The following LINGO2 variants were observed in gnomAD, a reference collection of about 807,000 sequenced individuals.
LINGO2 encodes leucine-rich repeat and immunoglobulin-like domain-containing nogo receptor-interacting protein 2.
In LINGO2, 14 loss-of-function variants were observed where a neutral mutation model predicts 30.6. The ratio of observed to expected loss-of-function variants is 0.46; its 90% confidence interval spans 0.30 to 0.72. LINGO2 has a LOEUF of 0.72. Among genes scored for constraint, LINGO2 ranks in the 30% least tolerant of loss-of-function variants. The probability of loss-of-function intolerance (pLI) is 0.07; values close to 1 mark genes in which losing one functional copy is unlikely to be tolerated. For synonymous variants in LINGO2, 317 were observed against 288.5 expected, an observed-to-expected ratio of 1.10 and a Z score of -1.00; for missense variants, 729 against 751.7, an observed-to-expected ratio of 0.97 and a Z score of 0.35.
chr9:28,520,195 G>A (rs1325399900), intron 1 of LINGO2, among the ~76,000 whole-genome samples: 1 of 152,058 alleles, frequency 6.6e-6, no homozygotes, highest in African/African-American at 2.4e-5. Context: ...ACAATCTTCA[G>A]TAGAATACTG....
At chr9:29,126,708 C>A in the LINGO2 span, among the ~76,000 whole-genome samples, 1 of 151,928 alleles carries the variant, frequency 6.6e-6, no homozygotes, top group Non-Finnish European at 1.5e-5. Flanking sequence ...TACAGAACTT[C>A]GCAATTATGT....
chr9:27,952,497 T>TA (rs1161142387), intron 5 of LINGO2, among the ~76,000 whole-genome samples: 3 of 151,624 alleles, frequency 2.0e-5, no homozygotes, highest in East Asian at 3.9e-4. Flanking sequence ...TCAGAAACAG[T>TA]AAAAAAATTA....
At chr9:28,390,395 T>C (rs1464757080) in intron 2 of LINGO2, among the ~76,000 whole-genome samples, 1 of 152,210 alleles carries the variant, frequency 6.6e-6, no homozygotes, top group South Asian at 2.1e-4. Context: ...ATGTATTATT[T>C]AATAATTATC....
intron 5 of LINGO2, among the ~76,000 whole-genome samples, chr9:27,955,329 A>G (rs541234204): frequency 5.9e-5 from 9 of 152,322 alleles, no homozygotes; most frequent in East Asian, 1.9e-4. Context: ...AATTAAGAAG[A>G]AAACTTAAAA....
the LINGO2 span, among the ~76,000 whole-genome samples, chr9:28,766,711 G>A: frequency 1.3e-5 from 2 of 151,340 alleles, no homozygotes; most frequent in African/African-American, 4.9e-5. Context: ...ATACACTGTG[G>A]TATACATAAA....
At chr9:28,122,765 T>C (rs957057233) in intron 4 of LINGO2, among the ~76,000 whole-genome samples, 3 of 152,220 alleles carry the variant, frequency 2.0e-5, no homozygotes, top group African/African-American at 7.2e-5. Context: ...GTTATGTTTT[T>C]CAATTCATTT....
chr9:28,520,819 T>TTG (rs777511956), intron 1 of LINGO2, among the ~76,000 whole-genome samples: 1 of 152,208 alleles, frequency 6.6e-6, no homozygotes, highest in African/African-American at 2.4e-5. Context: ...GGTACAATAA[T>TTG]TTTTCAACTT....
chr9:28,348,371 CAAAG>C (rs1819680529), intron 3 of LINGO2, among the ~76,000 whole-genome samples: 1 of 152,036 alleles, frequency 6.6e-6, no homozygotes, highest in Non-Finnish European at 1.5e-5. Context: ...CTTTCTGAGT[CAAAG>C]AAAGGGGTGA....
chr9:29,141,858 A>C, the LINGO2 span, among the ~76,000 whole-genome samples: 1 of 151,978 alleles, frequency 6.6e-6, no homozygotes, highest in East Asian at 1.9e-4. Context: ...CTATAAATAT[A>C]TAACAATAAT....
At chr9:28,712,713 A>G in the LINGO2 span, among the ~76,000 whole-genome samples, 1 of 151,876 alleles carries the variant, frequency 6.6e-6, no homozygotes, top group Non-Finnish European at 1.5e-5. Context: ...ATGATTAACT[A>G]CAATAAAAGA....
At chr9:28,010,150 C>T (rs530415771) in intron 5 of LINGO2, among the ~76,000 whole-genome samples, 3 of 152,268 alleles carry the variant, frequency 2.0e-5, no homozygotes, top group South Asian at 2.1e-4. Context: ...TACATGATTC[C>T]AGTTACATAA....
intron 3 of LINGO2, among the ~76,000 whole-genome samples, chr9:28,368,594 C>CTTTTTTTTTTTTTTTTTTTTTTTTTT (rs60310040): frequency 8.1e-6 from 1 of 123,602 alleles, no homozygotes; most frequent in Non-Finnish European, 1.8e-5. Flanking sequence ...CTTTTCTTTT[C>CTTTTTTTTTTTTTTTTTTTTTTTTTT]TTTTTTTTTT....
chr9:28,947,118 G>T, the LINGO2 span, among the ~76,000 whole-genome samples: 24,297 of 151,642 alleles, frequency 0.16, 1,977 homozygotes, highest in South Asian at 0.2. Flanking sequence ...TCTATATCTA[G>T]ATCTGTATCT....
chr9:28,934,169 A>AT, the LINGO2 span, among the ~76,000 whole-genome samples: 737 of 152,254 alleles, frequency 4.8e-3, 11 homozygotes, highest in African/African-American at 0.017. Flanking sequence ...AATTTGTTTT[A>AT]TTTCTTGTTG....
chr9:28,849,109 G>A, the LINGO2 span, among the ~76,000 whole-genome samples: 1 of 152,014 alleles, frequency 6.6e-6, no homozygotes, highest in Non-Finnish European at 1.5e-5. Flanking sequence ...CCACTCTAGA[G>A]TTCTATGTGT....
At chr9:28,903,203 C>T in the LINGO2 span, among the ~76,000 whole-genome samples, 2 of 151,522 alleles carry the variant, frequency 1.3e-5, no homozygotes, top group African/African-American at 2.4e-5. Flanking sequence ...ATAATTGTTA[C>T]CATAGAAATA....
chr9:28,141,563 C>A (rs975352889), intron 4 of LINGO2, among the ~76,000 whole-genome samples: 2 of 152,224 alleles, frequency 1.3e-5, no homozygotes, highest in Non-Finnish European at 2.9e-5. Context: ...CTGGGTTACA[C>A]TTTGGAAAAC....
chr9:29,092,912 T>G, the LINGO2 span, among the ~76,000 whole-genome samples: 1 of 135,138 alleles, frequency 7.4e-6, no homozygotes, highest in South Asian at 2.3e-4. Flanking sequence ...TGGATATATA[T>G]CATAACCTAT....
At chr9:28,823,615 A>G in the LINGO2 span, among the ~76,000 whole-genome samples, 2 of 152,168 alleles carry the variant, frequency 1.3e-5, no homozygotes, top group African/African-American at 4.8e-5. Context: ...TGCTGTGAGA[A>G]AGCCTAAGAT....
Sources: gnomAD v4.1 joint callset for allele counts (sites outside exome capture counted in the v4.1 genomes callset) on GRCh38, gnomAD v4.1.1 for gene constraint, MANE v1.5 for transcripts, NCBI Gene and HGNC (gene_info 2026-07-23, HGNC 2026-07-21) for gene names.